PFKFB4: variants seen among roughly 807,000 people sequenced by gnomAD.
PFKFB4 encodes the protein 6-phosphofructo-2-kinase/fructose-2,6-biphosphatase 4, also known as 6-phosphofructo-2-kinase/fructose-2,6-bisphosphatase 4.
PFKFB4 carries 42 observed loss-of-function variants against 62.8 expected under a neutral mutation model. The observed-to-expected ratio is 0.67, with a 90% CI of 0.52 to 0.86. The LOEUF (loss-of-function observed/expected upper bound fraction) is 0.86. PFKFB4 is among the 40% of genes least tolerant of loss of function. The pLI is 0.00. For missense variants in PFKFB4, 475 were observed against 627.2 expected (o/e 0.76, Z 2.59); for synonymous variants, 204 against 240.7 (o/e 0.85, Z 1.41).
rs530551205 is a variant in PFKFB4, at chr3:48,551,505, T to C, written c.98-1271A>G. ...GTGCTGGGATTACAGGTGTGAGCCA[T>C]CACCTCCAGCCTTCTTTTTTTTTTT... On this transcript the variant is annotated intron_variant, in intron 1 of 13. Coordinates refer to ENST00000232375, the MANE Select transcript of PFKFB4 (RefSeq NM_004567.4). Among the ~76,000 whole-genome samples the C allele has an allele frequency of 5.3e-5, 6 of 113,608 alleles. No homozygotes were observed. In the South Asian group the frequency reaches 1.3e-3, roughly 24 times the overall value. 74.5% of individuals were successfully genotyped at this position (113,608 alleles called of 152,430 possible). A position where few individuals can be genotyped will look rare whatever the true frequency, so the allele number is the denominator to read the frequency against.
intron 4 of PFKFB4, among the ~76,000 whole-genome samples, chr3:48,542,122 G>A (rs529692207): frequency 1.1e-4 from 16 of 152,184 alleles, no homozygotes; most frequent in Admixed American, 3.3e-4. Flanking sequence ...AGAGGCAGGC[G>A]GATCACGAGG....
chr3:48,543,572 A>G lies in PFKFB4; in HGVS notation c.378+8T>C. 6.2e-7 allele frequency: 1 copy of G among 1,605,372 alleles called. No individual in the cohort carries two copies. The highest frequency in any genetic ancestry group is 8.5e-7 in the Non-Finnish European group (1 of 1,176,128). ...CACTCCCAGCTGTCACCAGGGTGTC[A>G]CACTCACCGCCACATGTCCCCCCTC... On this transcript the variant is annotated splice_region_variant and intron_variant, in intron 4 of 13. Transcript: ENST00000232375.
chr3:48,550,170 G>A lies in PFKFB4; in HGVS notation c.162C>T (p.Tyr54=), dbSNP rs2107585449. 2 of 1,614,194 alleles carry A rather than the reference G, an allele frequency of 1.2e-6. No homozygotes were observed. Among genetic ancestry groups the A allele is most frequent in the Middle Eastern group, 1.6e-4 (1 of 6,062 alleles). The change falls in exon 2 of 14, where the codon TAC becomes TAT. Residue 54 remains tyrosine (Y), a synonymous_variant. Transcript: ENST00000232375. ...GGTATCGAGTCAGCTTCTTGGAGAT[G>A]TAGGTCTTGCCCCTGGCGGGCAGGC... ...MVGLPARGKT[Y]ISKKLTRYLN... is the part of the protein sequence containing the mutation.
chr3:48,559,740 G>A (rs948434779), upstream of PFKFB4: 4 of 398,672 alleles, frequency 1.0e-5, no homozygotes, highest in Non-Finnish European at 2.1e-5. Flanking sequence ...TGGCTGGCCT[G>A]ACCCTGGTTG....
intron 3 of PFKFB4, among the ~76,000 whole-genome samples, chr3:48,549,608 C>T (rs942161551): frequency 1.3e-5 from 2 of 152,150 alleles, no homozygotes; most frequent in Non-Finnish European, 2.9e-5. Flanking sequence ...GGCCACACAA[C>T]ACACCCTCTC....
chr3:48,555,633 G>A (rs1338805844), intron 1 of PFKFB4, among the ~76,000 whole-genome samples: 3 of 152,192 alleles, frequency 2.0e-5, no homozygotes, highest in Middle Eastern at 3.4e-3. Flanking sequence ...CAGGACCCAC[G>A]CCTGTAATCT....
At chr3:48,527,403 C>T (rs2042297665) in intron 9 of PFKFB4, among the ~76,000 whole-genome samples, 1 of 151,658 alleles carries the variant, frequency 6.6e-6, no homozygotes, top group South Asian at 2.1e-4. Flanking sequence ...ACCTCAGCCT[C>T]CCAAGTAGCT....
intron 7 of PFKFB4, among the ~76,000 whole-genome samples, chr3:48,537,154 G>A (rs1469138883): frequency 6.6e-6 from 1 of 152,194 alleles, no homozygotes; most frequent in African/African-American, 2.4e-5. Context: ...GGGTGTGGGG[G>A]TGCAGGGTGG....
upstream of PFKFB4, chr3:48,560,938 G>A (rs535085543): frequency 2.6e-5 from 8 of 307,356 alleles, no homozygotes; most frequent in East Asian, 1.2e-3. Flanking sequence ...GGCCCTCAGA[G>A]CACCCCTAAA....
chr3:48,523,805 A>T lies in PFKFB4; in HGVS notation c.1118T>A (p.Leu373Gln), dbSNP rs746844283. 6.8e-6 allele frequency: 11 copies of T among 1,614,066 alleles called. No individual in the cohort carries two copies. Among genetic ancestry groups the T allele is most frequent in the Non-Finnish European group, 9.3e-6 (11 of 1,180,040 alleles). ...CTCCAGCTCCATGATGACAGGCTCC[A>T]GTCTCTGGACCAGGTCCTCGTAGGA... is the stretch of plus-strand genomic sequence containing the variant. ...GESYEDLVQR[L>Q]EPVIMELERQ... Residue 373 changes from leucine to glutamine, a missense_variant, in exon 11 of 14, where the codon CTG becomes CAG. Coordinates refer to ENST00000232375, the MANE Select transcript of PFKFB4 (RefSeq NM_004567.4).
At chr3:48,550,490 A>C (rs1244970365) in intron 1 of PFKFB4, among the ~76,000 whole-genome samples, 5 of 152,054 alleles carry the variant, frequency 3.3e-5, no homozygotes, top group Admixed American at 3.3e-4. Flanking sequence ...TTTCATCCTG[A>C]TGTGCACCAC....
chr3:48,557,203 C>G (rs953572186), upstream of PFKFB4, among the ~76,000 whole-genome samples: 7 of 152,348 alleles, frequency 4.6e-5, no homozygotes, highest in Admixed American at 1.3e-4. Context: ...AGCAGCGGCA[C>G]GCGTGAATTC....
intron 10 of PFKFB4, among the ~76,000 whole-genome samples, chr3:48,524,525 C>G (rs1280475550): frequency 3.3e-5 from 5 of 152,224 alleles, no homozygotes; most frequent in Non-Finnish European, 7.3e-5. Context: ...AAATCCTAGA[C>G]CGGTTCTTTT....
At chr3:48,530,869 G>C (rs1212578959) in intron 9 of PFKFB4, among the ~76,000 whole-genome samples, 2 of 152,006 alleles carry the variant, frequency 1.3e-5, no homozygotes, top group Admixed American at 6.6e-5. Flanking sequence ...ACCACGCTCA[G>C]CTACTTTTTA....
intron 3 of PFKFB4, among the ~76,000 whole-genome samples, chr3:48,546,500 T>C (rs1196783882): frequency 1.3e-5 from 2 of 152,076 alleles, no homozygotes; most frequent in African/African-American, 2.4e-5. Context: ...CCCACACACA[T>C]GACTCTGAGG....
chr3:48,543,570 TCACA>T lies in PFKFB4; in HGVS notation c.378+6_378+9del. The T allele has an allele frequency of 6.2e-7, 1 of 1,604,052 alleles. No individual in the cohort carries two copies. The highest frequency in any genetic ancestry group is 8.5e-7 in the Non-Finnish European group (1 of 1,175,140). On this transcript the variant is annotated splice_donor_region_variant and intron_variant, in intron 4 of 13. Transcript: ENST00000232375. ...GTCACTCCCAGCTGTCACCAGGGTGTCACACTCACCGCCACATGTCCCCCCTCCT... is the reference window on the plus strand; with the variant it reads ...GTCACTCCCAGCTGTCACCAGGGTGTCTCACCGCCACATGTCCCCCCTCCT...
intron 1 of PFKFB4, among the ~76,000 whole-genome samples, chr3:48,555,826 C>A (rs2107608537): frequency 6.6e-6 from 1 of 152,114 alleles, no homozygotes; most frequent in South Asian, 2.1e-4. Flanking sequence ...ATTGCTTGAG[C>A]CCAGAAGGTC....
At chr3:48,531,428 C>G (rs556837944) in intron 9 of PFKFB4, among the ~76,000 whole-genome samples, 2 of 148,904 alleles carry the variant, frequency 1.3e-5, no homozygotes, top group African/African-American at 4.9e-5. Flanking sequence ...ACCCGGGAAG[C>G]AGAAATTTTT....
chr3:48,562,770 A>AC (rs754731072), upstream of PFKFB4: 1 of 1,530,868 alleles, frequency 6.5e-7, no homozygotes, highest in South Asian at 1.2e-5. This position sits in a 1 kb window ranked among gnomAD's most constrained non-coding sequence, Gnocchi z 4.3. Flanking sequence ...TATCACTGTG[A>AC]CCCCCTCTCT....
Sources: allele counts gnomAD v4.1 joint callset (sites outside exome capture counted in the v4.1 genomes callset), GRCh38; gene constraint gnomAD v4.1.1; non-coding constraint Gnocchi (gnomAD v3.1); transcripts MANE v1.5; gene names NCBI Gene and HGNC (gene_info 2026-07-23, HGNC 2026-07-21).